NPAS1: variants seen among roughly 807,000 people sequenced by gnomAD.
The protein encoded by NPAS1 is neuronal PAS domain-containing protein 1.
NPAS1 carries 29 observed loss-of-function variants against 49.2 expected under a neutral mutation model. The ratio of observed to expected loss-of-function variants is 0.59; its 90% CI spans 0.44 to 0.80. The LOEUF (loss-of-function observed/expected upper bound fraction) is 0.80. Ranked by LOEUF, NPAS1 falls within the 30% of genes least tolerant of loss-of-function variation. The pLI is 0.00. For synonymous variants in NPAS1, 408 were observed against 380.4 expected, an observed-to-expected ratio of 1.07 and a Z score of -0.84; for missense variants, 825 against 835.5, an observed-to-expected ratio of 0.99 and a Z score of 0.15.
rs1473352471 is a variant in NPAS1, at chr19:47,036,122, C to G, written c.681C>G (p.Pro227=). ...CTTCCTCTTCGCTTGCAGATACCCC[C>G]GAGATCGGTAATTCTAAGGGCTCCT... ...SSSSSSLADT[P]EIEASLTKVP... is the part of the protein sequence containing the mutation. Residue 227 remains proline, a synonymous_variant, in exon 6 of 12, where the codon CCC becomes CCG. Coordinates refer to ENST00000602212, the MANE Select transcript of NPAS1 (RefSeq NM_002517.4). The G allele has an allele frequency of 3.2e-6, 5 of 1,559,928 alleles. No individual in the cohort carries two copies. The highest frequency in any genetic ancestry group is 1.7e-4 in the Middle Eastern group (1 of 5,994).
chr19:47,044,257 G>C (rs933192502), intron 11 of NPAS1, among the ~76,000 whole-genome samples: 1 of 152,150 alleles, frequency 6.6e-6, no homozygotes, highest in African/African-American at 2.4e-5. Context: ...ATTTTTAGTA[G>C]AGACAGTGTT....
At chr19:47,033,838 G>T (rs930727520) in intron 5 of NPAS1, among the ~76,000 whole-genome samples, 1 of 147,830 alleles carries the variant, frequency 6.8e-6, no homozygotes, top group African/African-American at 2.5e-5. Context: ...AATTAGCCAG[G>T]CATGGTGGCA....
At chr19:47,032,107 C>T (rs1401935233) in intron 3 of NPAS1, among the ~76,000 whole-genome samples, 171 bp from the exon 4 acceptor site, 1 of 152,154 alleles carries the variant, frequency 6.6e-6, no homozygotes. Context: ...CTCACTGTCC[C>T]ACCCACCTGT....
At chr19:47,043,278 CAAAAA>C (rs1170715547) in intron 11 of NPAS1, among the ~76,000 whole-genome samples, 48 of 58,594 alleles carry the variant, frequency 8.2e-4, no homozygotes, top group Middle Eastern at 0.013. Flanking sequence ...GACTCTGTCT[CAAAAA>C]AAAAAAAAAA....
chr19:47,032,793 C>T, intron 5 of NPAS1, 61 bp downstream of exon 5: 6 of 1,176,814 alleles, frequency 5.1e-6, no homozygotes, highest in Non-Finnish European at 5.1e-6. Flanking sequence ...CAGGCCTATG[C>T]ATATCCTTCC....
chr19:47,025,729 C>T (rs956861101), intron 3 of NPAS1, among the ~76,000 whole-genome samples: 4 of 152,054 alleles, frequency 2.6e-5, no homozygotes, highest in African/African-American at 9.7e-5. Flanking sequence ...GCACACGCCA[C>T]CACGCCTAGC....
At chr19:47,040,738 TG>T (rs67047644) in intron 9 of NPAS1, 188 bp downstream of exon 9, 27,166 of 438,644 alleles carry the variant, frequency 0.062, 1 homozygote, top group East Asian at 0.099. Context: ...GATGTGTGTG[TG>T]GGGGGGGGGT....
chr19:47,020,849 T>G (rs989933820), intron 1 of NPAS1, 157 bp from the exon 2 acceptor site: 1 of 388,134 alleles, frequency 2.6e-6, no homozygotes, highest in South Asian at 7.6e-5. Flanking sequence ...CCGGCTAGGG[T>G]GGGAGCTGAG....
chr19:47,026,458 C>G (rs554636554), intron 3 of NPAS1, among the ~76,000 whole-genome samples: 4 of 152,150 alleles, frequency 2.6e-5, no homozygotes, highest in Admixed American at 1.3e-4. Flanking sequence ...GAAGTAGGAG[C>G]CCAGTGAGGA....
rs865790331 is a variant in NPAS1, at chr19:47,027,536, C to G, written c.359-4742C>G. Reference sequence around the variant, plus strand: ...TCTCTCTGCCCCTGTTCTCCCTTCTCTCTGCCCCTGGTCTCCTGTCTGTCT... The same window carrying G: ...TCTCTCTGCCCCTGTTCTCCCTTCTGTCTGCCCCTGGTCTCCTGTCTGTCT... On this transcript the variant is annotated intron_variant, in intron 3 of 11. Transcript: ENST00000602212. 7.0e-4 allele frequency among the ~76,000 whole-genome samples: 30 copies of G among 42,556 alleles called. 6 individuals are homozygous for G. Among genetic ancestry groups the G allele is most frequent in the African/African-American group, 3.7e-3 (30 of 8,136 alleles). The allele number at this position is 42,556 out of a possible 152,430, so 27.9% of individuals were successfully genotyped here.
intron 3 of NPAS1, among the ~76,000 whole-genome samples, chr19:47,026,821 G>T (rs2056873812): frequency 7.9e-6 from 1 of 126,628 alleles, no homozygotes. Context: ...CGGGCATGGT[G>T]GTGGTGCCTG....
At chr19:47,026,736 CCT>C (rs2056873152) in intron 3 of NPAS1, among the ~76,000 whole-genome samples, 1 of 152,130 alleles carries the variant, frequency 6.6e-6, no homozygotes, top group Admixed American at 6.5e-5. Context: ...AGGTGGATCA[CCT>C]GAGGTCAGGA....
In NPAS1 at chr19:47,045,456, G is replaced by A. The variant is rs1262500185; in HGVS notation, c.1578G>A (p.Ala526=). ...ACCCCCCGCCCACCCTCCTGCACGC[G>A]GGCTTCCTGCCGCCGGTGGTGCGGG... ...PGDPPPTLLH[A]GFLPPVVRGL... Residue 526 remains alanine, a synonymous_variant, in exon 12 of 12, where the codon GCG becomes GCA. Transcript: ENST00000602212. The A allele has an allele frequency of 1.0e-5, 16 of 1,591,760 alleles. No homozygotes were observed. The highest frequency in any genetic ancestry group is 1.4e-5 in the Non-Finnish European group (16 of 1,171,558).
intron 9 of NPAS1, 88 bp from the exon 10 acceptor site, chr19:47,040,890 C>A: frequency 8.7e-7 from 1 of 1,145,714 alleles, no homozygotes; most frequent in Non-Finnish European, 1.2e-6. Context: ...TGCTCTCACT[C>A]CTCCTGTCTC....
intron 11 of NPAS1, among the ~76,000 whole-genome samples, 194 bp downstream of exon 11, chr19:47,043,098 A>T (rs941442349): frequency 1.3e-5 from 2 of 152,004 alleles, no homozygotes; most frequent in Non-Finnish European, 2.9e-5. Context: ...CGAGGTCAAG[A>T]GATCAAGACC....
chr19:47,029,992 TTC>T lies in NPAS1; in HGVS notation c.359-2284_359-2283del, dbSNP rs1382983977. Among the ~76,000 whole-genome samples the T allele has an allele frequency of 4.6e-5, 7 of 152,198 alleles. No homozygotes were observed. In the East Asian group the frequency reaches 9.6e-4, roughly 21 times the overall value. The stretch of plus-strand genomic sequence containing the variant: ...CACCACATCCTTACCAACACTTACT[TTC>T]TGTGTTTTTTGTTTTGTTTTGTTTT... On this transcript the variant is annotated intron_variant, in intron 3 of 11. Transcript: ENST00000602212.
At chr19:47,026,532 G>A (rs775103337) in intron 3 of NPAS1, among the ~76,000 whole-genome samples, 44 of 152,228 alleles carry the variant, frequency 2.9e-4, no homozygotes, top group Non-Finnish European at 5.0e-4. Flanking sequence ...GTGGAACACA[G>A]GTGACATGGT....
At position 47,041,093 on chromosome 19, in the gene NPAS1, G is replaced by C; in HGVS notation, c.1185G>C (p.Glu395Asp). The change falls in exon 10 of 12, where the codon GAG (glutamate) becomes GAC (aspartate). Residue 395 changes from glutamate to aspartate, a missense_variant. By Grantham distance (45) the Glu-to-Asp change is conservative. Transcript: ENST00000602212. ...TVAGSGKSPG[E>D]HHVLWVSHVL... ...CTGGGAGCGGGAAGAGCCCCGGGGA[G>C]CACCATGTGCTTTGGGTCAGCCACG... is the stretch of plus-strand genomic sequence containing the variant. 2 of 1,596,114 alleles carry C rather than the reference G, an allele frequency of 1.3e-6. No individual in the cohort carries two copies. Among genetic ancestry groups the C allele is most frequent in the Non-Finnish European group, 1.7e-6 (2 of 1,175,162 alleles).
chr19:47,021,620 C>A lies in NPAS1; in HGVS notation c.131C>A (p.Ala44Glu), dbSNP rs1187417799. 5.3e-6 allele frequency: 8 copies of A among 1,511,054 alleles called. No homozygotes were observed. The highest frequency in any genetic ancestry group is 5.3e-6 in the Non-Finnish European group (6 of 1,129,182). 93.6% of individuals were successfully genotyped at this position (1,511,054 alleles called of 1,614,324 possible). The part of the protein sequence containing the change: ...VKAPSGPCLQ[A>E]QRKEKSRNAA... ...CCGCGCCGCCCGCCCAGCCTGCAGG[C>A]GCAGCGCAAGGAGAAGTCCCGGAAC... The change falls in exon 3 of 12, where the codon GCG becomes GAG. Residue 44 changes from alanine (A) to glutamate (E), a missense_variant. By Grantham distance (107) the Ala-to-Glu change is moderately radical (BLOSUM62 -1). Transcript: ENST00000602212. This position sits in a 1 kb window ranked among gnomAD's most constrained non-coding sequence, Gnocchi z 5.7.
Sources: allele counts gnomAD v4.1 joint callset (sites outside exome capture counted in the v4.1 genomes callset), GRCh38; gene constraint gnomAD v4.1.1; non-coding constraint Gnocchi (gnomAD v3.1); transcripts MANE v1.5; gene names NCBI Gene and HGNC (gene_info 2026-07-23, HGNC 2026-07-21).